AGTPBP1: variants seen among roughly 807,000 people sequenced by gnomAD.
AGTPBP1 encodes cytosolic carboxypeptidase 1.
In AGTPBP1, 70 loss-of-function variants were observed where a neutral mutation model predicts 143.9. That is an observed-to-expected ratio of 0.49 (90% confidence interval 0.40 to 0.59). AGTPBP1 has a LOEUF of 0.59. Among genes scored for constraint, AGTPBP1 ranks in the 20% least tolerant of loss-of-function variants. The pLI is 0.00. For synonymous variants in AGTPBP1, 463 were observed against 500.2 expected (o/e 0.93, Z 0.99); for missense variants, 1,229 against 1,464.5 (o/e 0.84, Z 2.62).
the AGTPBP1 span, among the ~76,000 whole-genome samples, chr9:85,752,045 A>G: frequency 3.3e-5 from 5 of 151,806 alleles, no homozygotes; most frequent in South Asian, 2.1e-4. Flanking sequence ...CCTGGCCAAC[A>G]TGGTAAAACC....
In AGTPBP1 at chr9:85,616,355, T is replaced by A. The variant is rs189986990; in HGVS notation, c.2335+2628A>T. 3.7e-3 allele frequency among the ~76,000 whole-genome samples: 566 copies of A among 152,108 alleles called. 3 individuals carry two copies. The highest frequency in any genetic ancestry group is 9.0e-3 in the Admixed American group (138 of 15,284). On this transcript the variant is annotated intron_variant, in intron 17 of 25. Coordinates refer to ENST00000357081, the MANE Select transcript of AGTPBP1 (RefSeq NM_001330701.2). ...TTTAATTACAGAATTTTATTCATTTTAAAATTTTAAATGACACTAGAGAAA... is the reference window on the plus strand; with the variant it reads ...TTTAATTACAGAATTTTATTCATTTAAAAATTTTAAATGACACTAGAGAAA...
intron 1 of AGTPBP1, among the ~76,000 whole-genome samples, chr9:85,736,662 G>C (rs376589194): frequency 2.0e-5 from 3 of 152,260 alleles, no homozygotes; most frequent in African/African-American, 7.2e-5. Flanking sequence ...AAATCCAGAA[G>C]TTCTAAAAGC....
At chr9:85,551,065 C>T (rs981074550) in intron 25 of AGTPBP1, among the ~76,000 whole-genome samples, 1 of 150,326 alleles carries the variant, frequency 6.7e-6, no homozygotes, top group Non-Finnish European at 1.5e-5. Context: ...ACTTCCCCCT[C>T]TCGCCATGTG....
chr9:85,722,403 GCTTT>G (rs754948030), intron 1 of AGTPBP1, among the ~76,000 whole-genome samples: 3 of 151,990 alleles, frequency 2.0e-5, no homozygotes, highest in Non-Finnish European at 4.4e-5. Context: ...TTGTCTTCTT[GCTTT>G]ATTTCATTAA....
At chr9:85,629,445 G>C (rs1240334601) in intron 14 of AGTPBP1, among the ~76,000 whole-genome samples, 2 of 152,154 alleles carry the variant, frequency 1.3e-5, no homozygotes, top group African/African-American at 4.8e-5. Flanking sequence ...CCATCATCAG[G>C]ATAGGCTCAG....
At chr9:85,564,853 G>A (rs1826977915) in intron 25 of AGTPBP1, among the ~76,000 whole-genome samples, 1 of 152,178 alleles carries the variant, frequency 6.6e-6, no homozygotes. Context: ...GTTAATGTTG[G>A]AATAAGCGAA....
At chr9:85,752,697 C>CA in the AGTPBP1 span, among the ~76,000 whole-genome samples, 1 of 152,160 alleles carries the variant, frequency 6.6e-6, no homozygotes, top group Non-Finnish European at 1.5e-5. Context: ...CGAATATGTA[C>CA]AATTATTATT....
intron 23 of AGTPBP1, among the ~76,000 whole-genome samples, chr9:85,583,840 C>T (rs985106785): frequency 1.6e-4 from 25 of 152,044 alleles, no homozygotes; most frequent in Non-Finnish European, 3.1e-4. Context: ...GCATGTGGAG[C>T]TTACTACCTA....
chr9:85,632,898 G>A lies in AGTPBP1; in HGVS notation c.1779C>T (p.Cys593=), dbSNP rs1587785370. The A allele has an allele frequency of 6.2e-7, 1 of 1,614,162 alleles. No homozygotes were observed. Among genetic ancestry groups the A allele is most frequent in the East Asian group, 2.2e-5 (1 of 44,882 alleles). ...CATCTTCAGTTTCAACTCCAGTGCA[G>A]CAAAGCTTCCCTAGCTGAACTGTTC... ...EGRTVQLGKL[C]CTGVETEDDE... Residue 593 remains cysteine (C), a synonymous_variant, in exon 14 of 26, where the codon TGC becomes TGT. Coordinates refer to ENST00000357081, the MANE Select transcript of AGTPBP1 (RefSeq NM_001330701.2).
At chr9:85,585,099 G>A (rs7025536) in intron 23 of AGTPBP1, among the ~76,000 whole-genome samples, 7,423 of 152,158 alleles carry the variant, frequency 0.049, 629 homozygotes, top group African/African-American at 0.17. Context: ...TGAAAACAAT[G>A]TTGTATGCAA....
the AGTPBP1 span, chr9:85,773,759 T>C: frequency 1.3e-6 from 1 of 754,218 alleles, no homozygotes; most frequent in Non-Finnish European, 2.2e-6. Context: ...AAGTTCATCT[T>C]GAAGTAGCCT....
Position 85,585,517 on chromosome 9 carries a change from C to A in AGTPBP1, c.3111G>T (p.Trp1037Cys), listed in dbSNP as rs762612808. ...MYGCSIKETVWHTNDNATSCD... is the reference protein window; with the variant it reads ...MYGCSIKETVCHTNDNATSCD... ...ATGAAGTTGCATTATCATTGGTATG[C>A]CACACTGTCTCTTTGATGCTGCAAC... Residue 1037 changes from tryptophan (W) to cysteine (C), a missense_variant, in exon 23 of 26, where the codon TGG becomes TGT. Physicochemically the swap from Trp to Cys is radical, Grantham distance 215. Around this residue, in one of 2 missense-constraint regions of AGTPBP1, gnomAD observed 486 missense variants for 652.3 expected, o/e 0.75. Transcript: ENST00000357081. 2 of 1,611,566 alleles carry A rather than the reference C, an allele frequency of 1.2e-6. No individual in the cohort carries two copies. The highest frequency in any genetic ancestry group is 3.3e-5 in the Admixed American group (2 of 59,770).
intron 25 of AGTPBP1, among the ~76,000 whole-genome samples, chr9:85,571,262 T>C (rs143737469): frequency 1.3e-4 from 20 of 152,228 alleles, no homozygotes; most frequent in Admixed American, 5.2e-4. Flanking sequence ...TCAGGAAGCA[T>C]TGAAGAAATG....
At chr9:85,624,029 T>G (rs564991427) in intron 14 of AGTPBP1, among the ~76,000 whole-genome samples, 1 of 152,296 alleles carries the variant, frequency 6.6e-6, no homozygotes, top group South Asian at 2.1e-4. Context: ...CAGTCCATAC[T>G]CAAAAACACA....
At chr9:85,581,053 T>C (rs947382492) in intron 23 of AGTPBP1, among the ~76,000 whole-genome samples, 6 of 152,258 alleles carry the variant, frequency 3.9e-5, no homozygotes, top group African/African-American at 1.4e-4. Context: ...TACCCCTTTA[T>C]ATAAATCTGG....
At chr9:85,677,620 TA>T (rs759635855) in intron 5 of AGTPBP1, 38 bp from the exon 6 acceptor site, 143 of 1,427,346 alleles carry the variant, frequency 1.0e-4, no homozygotes, top group Admixed American at 1.8e-4. Flanking sequence ...AACAACAAAT[TA>T]AAAAAAAATT....
chr9:85,674,733 AT>A (rs1450071963), intron 6 of AGTPBP1, among the ~76,000 whole-genome samples: 1 of 152,214 alleles, frequency 6.6e-6, no homozygotes, highest in Non-Finnish European at 1.5e-5. Context: ...AACAACACCT[AT>A]AAAAACTACT....
intron 11 of AGTPBP1, among the ~76,000 whole-genome samples, chr9:85,648,440 C>A (rs994632266): frequency 1.3e-5 from 2 of 152,052 alleles, no homozygotes; most frequent in African/African-American, 4.8e-5. Flanking sequence ...TATGCCCTAA[C>A]GGCAGTTGGT....
intron 2 of AGTPBP1, among the ~76,000 whole-genome samples, chr9:85,703,892 A>G (rs62570563): frequency 0.015 from 2,256 of 152,344 alleles, 24 homozygotes; most frequent in Middle Eastern, 0.037. Flanking sequence ...AGCAGTGGCC[A>G]ATGAAGTGGG....
Sources: gnomAD v4.1 joint callset for allele counts (sites outside exome capture counted in the v4.1 genomes callset) on GRCh38, gnomAD v4.1.1 for gene constraint, gnomAD v4.1.1 regional missense constraint, MANE v1.5 for transcripts, NCBI Gene and HGNC (gene_info 2026-07-23, HGNC 2026-07-21) for gene names.